Variants in RABGAP1L observed in about 807,000 individuals in gnomAD.
The protein encoded by RABGAP1L is rab GTPase-activating protein 1-like.
Under a neutral mutation model 137.7 loss-of-function variants are expected in RABGAP1L, and 63 were observed. That is an observed-to-expected ratio of 0.46 (90% CI 0.37 to 0.56). The LOEUF is 0.56. Among genes scored for constraint, RABGAP1L ranks in the 20% least tolerant of loss-of-function variants. The probability of loss-of-function intolerance (pLI) is 0.00; values close to 1 mark genes in which losing one functional copy is unlikely to be tolerated. For missense variants in RABGAP1L, 1,095 were observed against 1,244.0 expected, an observed-to-expected ratio of 0.88 and a Z score of 1.80; for synonymous variants, 431 against 433.7, an observed-to-expected ratio of 0.99 and a Z score of 0.08.
intron 19 of RABGAP1L, among the ~76,000 whole-genome samples, chr1:174,840,488 A>G (rs1693254563): frequency 6.6e-6 from 1 of 152,052 alleles, no homozygotes; most frequent in Non-Finnish European, 1.5e-5. Flanking sequence ...TAGCAGCAGG[A>G]GCTTTCTTGG....
chr1:174,327,968 T>TAC (rs1680604732), intron 11 of RABGAP1L, among the ~76,000 whole-genome samples: 2 of 14,324 alleles, frequency 1.4e-4, no homozygotes, highest in African/African-American at 1.3e-3. Flanking sequence ...TATATATATA[T>TAC]ATATATATAT....
At chr1:174,710,829 T>G (rs1680429116) in intron 17 of RABGAP1L, among the ~76,000 whole-genome samples, 1 of 152,208 alleles carries the variant, frequency 6.6e-6, no homozygotes, top group Non-Finnish European at 1.5e-5. Context: ...AAAATTAACC[T>G]TAAATGTAAA....
intron 13 of RABGAP1L, among the ~76,000 whole-genome samples, chr1:174,512,676 A>G (rs1662465247): frequency 6.6e-6 from 1 of 152,198 alleles, no homozygotes; most frequent in African/African-American, 2.4e-5. Context: ...GTAACAGGTC[A>G]GACATTCAGA....
intron 13 of RABGAP1L, among the ~76,000 whole-genome samples, chr1:174,438,306 A>G (rs1653671167): frequency 6.6e-6 from 1 of 152,224 alleles, no homozygotes; most frequent in Non-Finnish European, 1.5e-5. Flanking sequence ...TATAGATTTT[A>G]GAATTAGTAG....
chr1:174,626,951 C>T (rs1194587388), intron 13 of RABGAP1L, among the ~76,000 whole-genome samples: 1 of 152,138 alleles, frequency 6.6e-6, no homozygotes, highest in Non-Finnish European at 1.5e-5. Flanking sequence ...AAGGCAAAGT[C>T]TGAGGTCAAA....
At chr1:174,439,373 A>G (rs1034098739) in intron 13 of RABGAP1L, among the ~76,000 whole-genome samples, 1 of 152,170 alleles carries the variant, frequency 6.6e-6, no homozygotes, top group African/African-American at 2.4e-5. Context: ...AAATCAGTAG[A>G]TTGTGATATG....
intron 19 of RABGAP1L, among the ~76,000 whole-genome samples, chr1:174,856,962 G>A (rs1292274929): frequency 2.6e-5 from 4 of 151,132 alleles, no homozygotes; most frequent in Admixed American, 2.6e-4. Context: ...GGGTTTAAAA[G>A]CCCCAGGATA....
intron 13 of RABGAP1L, among the ~76,000 whole-genome samples, chr1:174,620,528 A>T (rs1446404545): frequency 6.6e-6 from 1 of 152,252 alleles, no homozygotes; most frequent in Non-Finnish European, 1.5e-5. Context: ...CTGCTCCTGA[A>T]TGACTGCCAG....
chr1:174,231,722 G>A (rs1016436739), intron 4 of RABGAP1L, among the ~76,000 whole-genome samples: 8 of 152,130 alleles, frequency 5.3e-5, no homozygotes, highest in African/African-American at 1.9e-4. Context: ...AAGGCAAGGG[G>A]AAGCAGAATT....
Position 174,992,534 on chromosome 1 carries a change from C to T in RABGAP1L, c.*2533C>T, listed in dbSNP as rs957424372. The T allele has an allele frequency of 6.6e-6, 1 of 151,678 alleles. No homozygotes were observed. The highest frequency in any genetic ancestry group is 2.4e-5 in the African/African-American group (1 of 41,286). The allele number at this position is 151,678 out of a possible 1,614,324, so 9.4% of individuals were successfully genotyped here. A position where few individuals can be genotyped will look rare whatever the true frequency, so the allele number is the denominator to read the frequency against. ...CTTTCAAAAGATTACGAGGGCAATACATATTTTTTTTTTTTTTATTCTCCA... is the reference window on the plus strand; with the variant it reads ...CTTTCAAAAGATTACGAGGGCAATATATATTTTTTTTTTTTTTATTCTCCA... On this transcript the variant is annotated 3_prime_UTR_variant, in exon 26 of 26. Transcript: ENST00000681986.
intron 14 of RABGAP1L, among the ~76,000 whole-genome samples, chr1:174,640,986 AT>A (rs201107740): frequency 6.9e-6 from 1 of 145,800 alleles, no homozygotes; most frequent in Admixed American, 6.9e-5. Context: ...ATTAAATATA[AT>A]TTTAGATTAT....
At chr1:174,989,805 A>G (rs1218007069) in intron 25 of RABGAP1L, 44 bp from the exon 26 acceptor site, 31 of 1,531,950 alleles carry the variant, frequency 2.0e-5, no homozygotes, top group Non-Finnish European at 2.3e-5. Flanking sequence ...ATTGGCAAAG[A>G]GAAAACATTT....
chr1:174,903,955 GAA>G (rs371687455), intron 19 of RABGAP1L, among the ~76,000 whole-genome samples: 1,158 of 75,468 alleles, frequency 0.015, 23 homozygotes, highest in African/African-American at 0.05. Flanking sequence ...TGTCTCAAAA[GAA>G]AAAAAAAAAA....
intron 18 of RABGAP1L, among the ~76,000 whole-genome samples, chr1:174,777,603 A>G (rs1196922275): frequency 6.6e-6 from 1 of 152,150 alleles, no homozygotes; most frequent in African/African-American, 2.4e-5. Flanking sequence ...ATTCGAAATC[A>G]CTCTAGATTT....
chr1:174,837,887 G>T (rs527475652), intron 19 of RABGAP1L, among the ~76,000 whole-genome samples: 60 of 152,242 alleles, frequency 3.9e-4, no homozygotes, highest in African/African-American at 1.4e-3. Context: ...AAAATCTTTT[G>T]TCTGTGTGGT....
At chr1:174,635,329 C>G (rs1673908300) in intron 13 of RABGAP1L, among the ~76,000 whole-genome samples, 1 of 152,138 alleles carries the variant, frequency 6.6e-6, no homozygotes, top group Non-Finnish European at 1.5e-5. Context: ...GCAGTAGTAA[C>G]ATTTTTATTC....
Position 174,890,648 on chromosome 1 carries a change from GT to G in RABGAP1L, c.2341-66801del, listed in dbSNP as rs535205285. Reference sequence around the variant, plus strand: ...TCCTGTTTTCCCAGCAGTTTTAGTAGTTTTTTTTAGAAGTATCCTTCTATAA... The same window carrying G: ...TCCTGTTTTCCCAGCAGTTTTAGTAGTTTTTTTAGAAGTATCCTTCTATAA... On this transcript the variant is annotated intron_variant, in intron 19 of 25. Transcript: ENST00000681986. 1.1e-4 allele frequency among the ~76,000 whole-genome samples: 17 copies of G among 151,890 alleles called. No individual in the cohort carries two copies. The East Asian group carries it at 1.7e-3, about 16-fold the overall frequency.
intron 14 of RABGAP1L, among the ~76,000 whole-genome samples, chr1:174,665,070 T>A (rs1213204270): frequency 6.6e-6 from 1 of 152,106 alleles, no homozygotes; most frequent in Non-Finnish European, 1.5e-5. Context: ...TTAAAGTCAT[T>A]TTTCTGATTG....
At chr1:174,887,598 G>A (rs1655374946) in intron 19 of RABGAP1L, among the ~76,000 whole-genome samples, 1 of 111,304 alleles carries the variant, frequency 9.0e-6, no homozygotes, top group African/African-American at 5.2e-5. Flanking sequence ...ATAGCCCAGG[G>A]ATTTGCAAAA....
Sources: gnomAD v4.1 joint callset for allele counts (sites outside exome capture counted in the v4.1 genomes callset) on GRCh38, gnomAD v4.1.1 for gene constraint, MANE v1.5 for transcripts, NCBI Gene and HGNC (gene_info 2026-07-23, HGNC 2026-07-21) for gene names.